Variants in ESR1 observed in about 807,000 individuals in gnomAD.
The protein encoded by ESR1 is estrogen receptor 1.
Under a neutral mutation model 52.7 loss-of-function variants are expected in ESR1, and 12 were observed. That is an observed-to-expected ratio of 0.23 (90% CI 0.15 to 0.37). The LOEUF is 0.37. ESR1 is among the 10% of genes least tolerant of loss of function. The probability of loss-of-function intolerance (pLI) is 1.00; values close to 1 mark genes in which losing one functional copy is unlikely to be tolerated. For missense variants in ESR1, 584 were observed against 779.7 expected (o/e 0.75, Z 2.99); for synonymous variants, 305 against 316.8 (o/e 0.96, Z 0.39).
intron 1 of ESR1, among the ~76,000 whole-genome samples, chr6:151,663,156 A>T (rs1378921997): frequency 6.6e-6 from 1 of 152,184 alleles, no homozygotes; most frequent in Non-Finnish European, 1.5e-5. Flanking sequence ...ATCGCATGTG[A>T]TAACAAATAC....
At chr6:151,820,088 G>A (rs1421191396) in intron 1 of ESR1, among the ~76,000 whole-genome samples, 1 of 152,118 alleles carries the variant, frequency 6.6e-6, no homozygotes, top group Non-Finnish European at 1.5e-5. Flanking sequence ...TTGAGGAGAG[G>A]CACTTAACCA....
chr6:151,931,036 A>T (rs1286841748), intron 3 of ESR1, among the ~76,000 whole-genome samples: 1 of 151,974 alleles, frequency 6.6e-6, no homozygotes, highest in African/African-American at 2.4e-5. Flanking sequence ...AAGGAGTGGC[A>T]TGTATTTATC....
At chr6:152,018,838 GAAA>G (rs113074966) in intron 5 of ESR1, among the ~76,000 whole-genome samples, 1 of 147,342 alleles carries the variant, frequency 6.8e-6, no homozygotes, top group Non-Finnish European at 1.5e-5. Flanking sequence ...AGTAAAAAAA[GAAA>G]AAAAAAAGGA....
At chr6:152,017,794 T>A (rs1318692648) in intron 5 of ESR1, among the ~76,000 whole-genome samples, 1 of 152,048 alleles carries the variant, frequency 6.6e-6, no homozygotes, top group Non-Finnish European at 1.5e-5. Context: ...GAAGAAACAA[T>A]GTAAATTGCC....
At chr6:151,964,512 T>C (rs550136405) in intron 4 of ESR1, among the ~76,000 whole-genome samples, 1 of 152,338 alleles carries the variant, frequency 6.6e-6, no homozygotes, top group South Asian at 2.1e-4. Context: ...TTTTGCATGT[T>C]TATTTTGTAT....
chr6:151,726,284 G>A (rs1348842979), intron 2 of ESR1, among the ~76,000 whole-genome samples: 6 of 151,320 alleles, frequency 4.0e-5, no homozygotes, highest in South Asian at 2.1e-4. Context: ...CACATCTTTC[G>A]TTACATTTGT....
chr6:152,087,211 G>A (rs1201362644), intron 6 of ESR1, among the ~76,000 whole-genome samples: 2 of 152,174 alleles, frequency 1.3e-5, no homozygotes, highest in African/African-American at 4.8e-5. Context: ...AATTTAGATT[G>A]TGGTTTCCAT....
intron 6 of ESR1, among the ~76,000 whole-genome samples, chr6:152,117,315 C>T (rs1486811752): frequency 6.6e-6 from 1 of 152,172 alleles, no homozygotes; most frequent in Non-Finnish European, 1.5e-5. Context: ...ACAACAGCTC[C>T]AAGAATGTGT....
chr6:152,051,808 C>T (rs1186479617), intron 5 of ESR1, among the ~76,000 whole-genome samples: 2 of 152,142 alleles, frequency 1.3e-5, no homozygotes, highest in Non-Finnish European at 2.9e-5. Context: ...CTAATTACAA[C>T]TTTGTTTCTT....
chr6:151,838,600 G>A (rs542686632), intron 1 of ESR1, among the ~76,000 whole-genome samples: 26 of 152,212 alleles, frequency 1.7e-4, no homozygotes, highest in African/African-American at 6.0e-4. Context: ...CGTGCCACAG[G>A]GTCTTGGAGC....
chr6:151,988,186 A>G (rs1239418823), intron 4 of ESR1, among the ~76,000 whole-genome samples: 1 of 152,146 alleles, frequency 6.6e-6, no homozygotes, highest in Admixed American at 6.5e-5. Flanking sequence ...TATACAACTT[A>G]CCATAACATA....
At chr6:151,858,445 G>A (rs1788274496) in intron 2 of ESR1, among the ~76,000 whole-genome samples, 1 of 151,644 alleles carries the variant, frequency 6.6e-6, no homozygotes, top group Non-Finnish European at 1.5e-5. Context: ...TAGCCATGAG[G>A]TCTACACACA....
At chr6:152,005,247 TC>T (rs1410981299) in intron 4 of ESR1, among the ~76,000 whole-genome samples, 1 of 152,040 alleles carries the variant, frequency 6.6e-6, no homozygotes, top group East Asian at 1.9e-4. Flanking sequence ...CTTTCTTTTC[TC>T]ATTTCTTTGC....
chr6:152,040,499 A>G lies in ESR1; in HGVS notation c.1236-20492A>G, dbSNP rs541090293. 3.9e-5 allele frequency among the ~76,000 whole-genome samples: 6 copies of G among 152,284 alleles called. No homozygotes were observed. The South Asian group carries it at 1.2e-3, about 32-fold the overall frequency. On this transcript the variant is annotated intron_variant, in intron 5 of 7. Transcript: ENST00000206249. The stretch of plus-strand genomic sequence containing the variant: ...CTCTTCCCCAAATTTCATTGTCATC[A>G]GTTTTCCAATCATGCTTCTTTCAAG...
At chr6:152,026,328 A>G (rs1286723818) in intron 5 of ESR1, among the ~76,000 whole-genome samples, 3 of 152,034 alleles carry the variant, frequency 2.0e-5, no homozygotes, top group Non-Finnish European at 2.9e-5. Context: ...TGTGTTAAAA[A>G]GCTATTGATT....
chr6:151,800,574 C>A (rs1562416502), upstream of ESR1, among the ~76,000 whole-genome samples: 1 of 152,110 alleles, frequency 6.6e-6, no homozygotes, highest in Non-Finnish European at 1.5e-5. Flanking sequence ...AAAAAGAGCT[C>A]TCTCTTTTTC....
chr6:151,824,881 A>G (rs541057441), intron 1 of ESR1, among the ~76,000 whole-genome samples: 1 of 151,864 alleles, frequency 6.6e-6, no homozygotes, highest in Non-Finnish European at 1.5e-5. Flanking sequence ...AGCTTGCACC[A>G]CTGCACTCCA....
intron 1 of ESR1, among the ~76,000 whole-genome samples, chr6:151,823,236 G>A (rs1453330837): frequency 6.6e-6 from 1 of 152,136 alleles, no homozygotes; most frequent in Non-Finnish European, 1.5e-5. Context: ...AAGGCTGGAG[G>A]TTTTCTGTTA....
chr6:151,777,491 G>A (rs1786122917), intron 2 of ESR1, among the ~76,000 whole-genome samples: 1 of 152,124 alleles, frequency 6.6e-6, no homozygotes, highest in Non-Finnish European at 1.5e-5. Flanking sequence ...CTGAAAGAAA[G>A]GGTGAGTTAG....
Sources: gnomAD v4.1 joint callset for allele counts (sites outside exome capture counted in the v4.1 genomes callset) on GRCh38, gnomAD v4.1.1 for gene constraint, MANE v1.5 for transcripts, NCBI Gene and HGNC (gene_info 2026-07-23, HGNC 2026-07-21) for gene names.